EPB41L5: variants seen among roughly 807,000 people sequenced by gnomAD.
EPB41L5 encodes band 4.1-like protein 5.
Under a neutral mutation model 106.6 loss-of-function variants are expected in EPB41L5, and 55 were observed. That is an observed-to-expected ratio of 0.52 (90% CI 0.42 to 0.65). EPB41L5 has a LOEUF of 0.65. Among genes scored for constraint, EPB41L5 ranks in the 30% least tolerant of loss-of-function variants. The pLI is 0.00. For synonymous variants in EPB41L5, 297 were observed against 306.7 expected (o/e 0.97, Z 0.33); for missense variants, 871 against 882.1 (o/e 0.99, Z 0.16).
chr2:120,117,712 C>T (rs555231659), intron 16 of EPB41L5, among the ~76,000 whole-genome samples: 2 of 152,210 alleles, frequency 1.3e-5, no homozygotes, highest in African/African-American at 2.4e-5. Flanking sequence ...GACACAGACC[C>T]GTGAAACCAA....
At chr2:120,019,349 T>C (rs761859950) in intron 2 of EPB41L5, 85 bp downstream of exon 2, 24 of 1,280,306 alleles carry the variant, frequency 1.9e-5, no homozygotes, top group South Asian at 2.7e-5. Flanking sequence ...TGGTAACTTC[T>C]GGATGGAAAT....
intron 24 of EPB41L5, among the ~76,000 whole-genome samples, chr2:120,168,234 A>G (rs1299018480): frequency 6.6e-6 from 1 of 152,188 alleles, no homozygotes; most frequent in African/African-American, 2.4e-5. Context: ...TTTGCTAAAG[A>G]TGTTAACAGG....
intron 3 of EPB41L5, among the ~76,000 whole-genome samples, chr2:120,054,472 A>G (rs1027833966): frequency 9.9e-5 from 15 of 152,072 alleles, no homozygotes; most frequent in African/African-American, 3.4e-4. Context: ...CTGAGGTCAT[A>G]AAGATTTACA....
chr2:120,129,767 C>T (rs1013785943), intron 17 of EPB41L5, among the ~76,000 whole-genome samples: 2 of 152,056 alleles, frequency 1.3e-5, no homozygotes, highest in African/African-American at 4.8e-5. Context: ...TATTGGTGAA[C>T]CTTGGATGAG....
chr2:120,097,413 G>A lies in EPB41L5; in HGVS notation c.1179-2831G>A, dbSNP rs931893408. On this transcript the variant is annotated intron_variant, in intron 14 of 24. Transcript: ENST00000263713. ...ACTGTTTGAAAAGGCACAACTATTT[G>A]ACCTGAAAATCTTCTCGACCTTGTA... Among the ~76,000 whole-genome samples, 11 of 152,284 alleles carry A rather than the reference G, an allele frequency of 7.2e-5. No individual in the cohort carries two copies. The East Asian group carries it at 2.1e-3, about 29-fold the overall frequency.
chr2:120,078,961 TCC>T (rs1049329698), intron 10 of EPB41L5, among the ~76,000 whole-genome samples: 3 of 152,220 alleles, frequency 2.0e-5, no homozygotes, highest in Non-Finnish European at 4.4e-5. Flanking sequence ...AATATTTTTA[TCC>T]CTTCTCTAAG....
intron 20 of EPB41L5, among the ~76,000 whole-genome samples, chr2:120,151,016 C>T (rs1362113291): frequency 6.6e-6 from 1 of 152,096 alleles, no homozygotes; most frequent in Non-Finnish European, 1.5e-5. Context: ...TTTAGATCTT[C>T]TGTCTATTTT....
chr2:120,082,064 G>A (rs187373819), intron 10 of EPB41L5, among the ~76,000 whole-genome samples: 12 of 152,252 alleles, frequency 7.9e-5, no homozygotes, highest in East Asian at 1.9e-4. Flanking sequence ...AACAGGGACA[G>A]TTTGACTTCC....
At chr2:120,169,810 G>A (rs532920352) in intron 24 of EPB41L5, among the ~76,000 whole-genome samples, 1 of 152,202 alleles carries the variant, frequency 6.6e-6, no homozygotes, top group South Asian at 2.1e-4. Context: ...TCTAGACAGT[G>A]TGCAACTTGA....
At chr2:120,048,234 G>C (rs770690626) in intron 3 of EPB41L5, among the ~76,000 whole-genome samples, 5 of 152,158 alleles carry the variant, frequency 3.3e-5, no homozygotes, top group African/African-American at 4.8e-5. Context: ...AGAGAGAATG[G>C]TACCAGCTCC....
chr2:120,066,676 G>A (rs1050587658), intron 3 of EPB41L5, among the ~76,000 whole-genome samples: 5 of 152,308 alleles, frequency 3.3e-5, no homozygotes, highest in Non-Finnish European at 7.4e-5. Context: ...TTGCTTCCTG[G>A]AAGGGTTGTG....
chr2:120,162,432 A>G (rs1486692746), intron 21 of EPB41L5, among the ~76,000 whole-genome samples: 1 of 152,258 alleles, frequency 6.6e-6, no homozygotes, highest in East Asian at 1.9e-4. Flanking sequence ...ACAAAAAGGA[A>G]AAATTAAAGA....
chr2:120,090,550 T>C (rs776418532), intron 12 of EPB41L5, 34 bp downstream of exon 12: 1 of 1,587,808 alleles, frequency 6.3e-7, no homozygotes. Context: ...CTGTCTTTCA[T>C]TGCATACAGG....
intron 22 of EPB41L5, among the ~76,000 whole-genome samples, chr2:120,166,421 G>A (rs115336369): frequency 0.034 from 5,054 of 150,696 alleles, 288 homozygotes; most frequent in African/African-American, 0.12. Context: ...CTGTTAACAT[G>A]CATCTAAAAA....
At chr2:120,131,142 T>C (rs1013033915) in intron 17 of EPB41L5, among the ~76,000 whole-genome samples, 2 of 152,218 alleles carry the variant, frequency 1.3e-5, no homozygotes, top group South Asian at 4.1e-4. Flanking sequence ...ATATATAATA[T>C]GTTGAATCAG....
intron 2 of EPB41L5, among the ~76,000 whole-genome samples, chr2:120,037,754 A>G (rs2105194350): frequency 6.6e-6 from 1 of 152,326 alleles, no homozygotes; most frequent in Non-Finnish European, 1.5e-5. Context: ...AATATGGTAA[A>G]ATGATTTTTG....
intron 3 of EPB41L5, among the ~76,000 whole-genome samples, chr2:120,060,370 C>T (rs946257262): frequency 6.6e-6 from 1 of 152,112 alleles, no homozygotes; most frequent in Non-Finnish European, 1.5e-5. Context: ...ACCACAGTGT[C>T]CTACAGTAAG....
Position 120,160,930 on chromosome 2 carries a change from ACT to A in EPB41L5, c.1846_1847del (p.Leu616AspfsTer18), listed in dbSNP as rs1483690604. The A allele has an allele frequency of 3.1e-6, 5 of 1,613,712 alleles. No individual in the cohort carries two copies. The highest frequency in any genetic ancestry group is 3.4e-6 in the Non-Finnish European group (4 of 1,179,876). On this transcript the variant is annotated frameshift_variant, in exon 21 of 25. Coordinates refer to ENST00000263713, the MANE Select transcript of EPB41L5 (RefSeq NM_020909.4). LOFTEE classifies it high-confidence loss of function. ...NVPLPKESLE[T>X]LMLITPADSG... ...GCCCCTCCCCAAAGAGTCTCTTGAG[ACT>A]CTGATGCTTATCACACCTGCCGACA...
At chr2:120,086,667 G>T (rs1683075464) in intron 10 of EPB41L5, among the ~76,000 whole-genome samples, 1 of 152,196 alleles carries the variant, frequency 6.6e-6, no homozygotes, top group Non-Finnish European at 1.5e-5. Context: ...CTGGAGCCTG[G>T]AAGTTCACGG....
Sources: allele counts gnomAD v4.1 joint callset (sites outside exome capture counted in the v4.1 genomes callset), GRCh38; gene constraint gnomAD v4.1.1; transcripts MANE v1.5; gene names NCBI Gene and HGNC (gene_info 2026-07-23, HGNC 2026-07-21).